The following SHBG variants were observed in gnomAD, a reference collection of about 807,000 sequenced individuals.
The protein encoded by SHBG is sex hormone binding globulin.
Under a neutral mutation model 41.9 loss-of-function variants are expected in SHBG, and 37 were observed. The ratio of observed to expected loss-of-function variants is 0.88; its 90% CI spans 0.68 to 1.16. The LOEUF (loss-of-function observed/expected upper bound fraction) is 1.16. SHBG is among the 50% of genes most tolerant of loss of function. The pLI, the probability that SHBG is intolerant of heterozygous loss-of-function variation, is 0.00. For missense variants in SHBG, 466 were observed against 499.9 expected (o/e 0.93, Z 0.65); for synonymous variants, 217 against 205.8 (o/e 1.05, Z -0.47).
chr17:7,621,994 G>A (rs1259146217), intron 1 of SHBG, among the ~76,000 whole-genome samples: 2 of 150,920 alleles, frequency 1.3e-5, no homozygotes, highest in East Asian at 3.9e-4. Flanking sequence ...GCGCCACCAT[G>A]CCCGGCTAAT....
rs559690855 is a variant in SHBG, at chr17:7,630,753, G to T, written c.277G>T (p.Asp93Tyr). Reference sequence around the variant, plus strand: ...TTTTTATGGGGATACCAACCCTAAGGATGACTGGTTTATGCTGGGACTTCG... The same window carrying T: ...TTTTTATGGGGATACCAACCCTAAGTATGACTGGTTTATGCTGGGACTTCG... ...VIFYGDTNPK[D>Y]DWFMLGLRDG... Residue 93 changes from aspartate to tyrosine, a missense_variant, in exon 3 of 8, where the codon GAT becomes TAT. By Grantham distance (160) the Asp-to-Tyr change is radical (BLOSUM62 -3). Coordinates refer to ENST00000380450, the MANE Select transcript of SHBG (RefSeq NM_001040.5). This position sits in a 1 kb window ranked among gnomAD's most constrained non-coding sequence, Gnocchi z 4.6. 2.2e-5 allele frequency: 35 copies of T among 1,614,074 alleles called. No homozygotes were observed. The Middle Eastern group carries it at 6.6e-4, about 30-fold the overall frequency.
At chr17:7,614,277 G>A (rs539416486) in intron 1 of SHBG, among the ~76,000 whole-genome samples, 5 of 152,244 alleles carry the variant, frequency 3.3e-5, no homozygotes, top group African/African-American at 9.6e-5. Context: ...TCAAAAATAA[G>A]AGGAACAGGG....
At chr17:7,626,158 C>T (rs756648952), upstream of SHBG, 37 of 273,658 alleles carry the variant, frequency 1.4e-4, no homozygotes, top group Non-Finnish European at 1.6e-4. Flanking sequence ...CGCACCACTG[C>T]ACTCCAGCGT....
At chr17:7,629,159 G>A (rs568765648), upstream of SHBG, among the ~76,000 whole-genome samples, 10 of 152,020 alleles carry the variant, frequency 6.6e-5, no homozygotes, top group African/African-American at 2.4e-4. Context: ...GATCATTTCA[G>A]GTCAGAGGTT....
rs543138281 is a variant in SHBG at position 7,631,996 on chromosome 17, G to A, written c.833G>A (p.Ser278Asn). The stretch of plus-strand genomic sequence containing the variant: ...ACACCAGAGAACCCATCTTGGCTCA[G>A]TCTCCACCTCCAAGATCAAGTAAAG... Reference protein sequence around the residue: ...LGTPENPSWLSLHLQDQKVVL... With the variant: ...LGTPENPSWLNLHLQDQKVVL... Residue 278 changes from serine to asparagine, a missense_variant, in exon 6 of 8, where the codon AGT becomes AAT. Ser to Asn is a conservative substitution (Grantham distance 46, BLOSUM62 1). Transcript: ENST00000380450. 1.5e-4 allele frequency: 244 copies of A among 1,613,886 alleles called. 2 individuals carry two copies. The South Asian group carries it at 2.5e-3, about 16-fold the overall frequency.
At position 7,633,191 on chromosome 17, in the gene SHBG, T is replaced by C. The variant is rs1474101025; in HGVS notation, c.1061-13T>C. On this transcript the variant is annotated splice_polypyrimidine_tract_variant and intron_variant, in intron 7 of 7. Transcript: ENST00000380450. ...TAATGCTCTAATGCCACCTTTGCAC[T>C]ACCTCCCTCTAGGAGAAGACTCTTC... 4 of 1,614,016 alleles carry C rather than the reference T, an allele frequency of 2.5e-6. No homozygotes were observed. The highest frequency in any genetic ancestry group is 3.4e-6 in the Non-Finnish European group (4 of 1,179,990).
upstream of SHBG, among the ~76,000 whole-genome samples, chr17:7,623,344 C>T (rs901218678): frequency 1.3e-5 from 2 of 152,146 alleles, no homozygotes; most frequent in Admixed American, 1.3e-4. Flanking sequence ...TGAGTGAGAT[C>T]GTGCCATTTC....
upstream of SHBG, chr17:7,626,391 T>C: frequency 1.3e-6 from 2 of 1,586,890 alleles, no homozygotes; most frequent in Non-Finnish European, 1.7e-6. Context: ...CTCTGAAGAG[T>C]GCTTCAGCTG....
intron 1 of SHBG, among the ~76,000 whole-genome samples, chr17:7,621,815 G>A (rs1014839492): frequency 7.3e-5 from 11 of 151,576 alleles, no homozygotes; most frequent in African/African-American, 2.4e-4. Flanking sequence ...TAAGGATAGA[G>A]CTATGGACAG....
At chr17:7,618,443 G>GT (rs376297689) in intron 1 of SHBG, among the ~76,000 whole-genome samples, 3 of 72,530 alleles carry the variant, frequency 4.1e-5, no homozygotes, top group African/African-American at 1.8e-4. Context: ...GGCTAGGTTT[G>GT]TTTTTTTTGT....
intron 1 of SHBG, among the ~76,000 whole-genome samples, chr17:7,617,956 C>T (rs1365323055): frequency 7.3e-6 from 1 of 137,000 alleles, no homozygotes; most frequent in Non-Finnish European, 1.7e-5. Context: ...CGGCGGCTCA[C>T]GCCTGTAATC....
intron 1 of SHBG, among the ~76,000 whole-genome samples, chr17:7,620,046 G>A (rs146257059): frequency 1.4e-4 from 21 of 150,428 alleles, no homozygotes; most frequent in Admixed American, 1.1e-3. Flanking sequence ...AGCTATGATC[G>A]TGCCACTGTA....
In SHBG at chr17:7,630,782, C is replaced by T. The variant is rs181487021; in HGVS notation, c.306C>T (p.Asp102=). The T allele has an allele frequency of 6.7e-5, 108 of 1,613,956 alleles. No homozygotes were observed. Among genetic ancestry groups the T allele is most frequent in the Admixed American group, 1.5e-4 (9 of 60,008 alleles). Residue 102 remains aspartate, a synonymous_variant, in exon 3 of 8, where the codon GAC becomes GAT. Transcript: ENST00000380450. This position sits in a 1 kb window ranked among gnomAD's most constrained non-coding sequence, Gnocchi z 4.6. ...KDDWFMLGLR[D]GRPEIQLHNH... ...ACTGGTTTATGCTGGGACTTCGAGA[C>T]GGCAGGCCTGAGATCCAACTGCACA... is the stretch of plus-strand genomic sequence containing the variant.
chr17:7,623,903 A>G (rs2072143512), upstream of SHBG, among the ~76,000 whole-genome samples: 1 of 152,246 alleles, frequency 6.6e-6, no homozygotes, highest in African/African-American at 2.4e-5. Context: ...TTGGGACTAC[A>G]GGCATTTGTT....
upstream of SHBG, chr17:7,626,631 C>T (rs766040675): frequency 6.2e-7 from 1 of 1,611,546 alleles, no homozygotes; most frequent in Non-Finnish European, 8.5e-7. Flanking sequence ...GAGAAGACAA[C>T]ACTAACTTTT....
chr17:7,626,442 T>C, upstream of SHBG: 1 of 1,613,898 alleles, frequency 6.2e-7, no homozygotes, highest in Non-Finnish European at 8.5e-7. Context: ...CTCCTAGGGA[T>C]GGCGTCACTT....
At chr17:7,630,123 A>G (rs1389205636), upstream of SHBG, 3 of 1,491,630 alleles carry the variant, frequency 2.0e-6, no homozygotes, top group South Asian at 2.3e-5. This position sits in a 1 kb window ranked among gnomAD's most constrained non-coding sequence, Gnocchi z 4.6. Context: ...GCCTGCCTCT[A>G]CACATTCTCC....
At chr17:7,621,094 C>CAAAAAAAAA (rs61026446) in intron 1 of SHBG, among the ~76,000 whole-genome samples, 2 of 52,296 alleles carry the variant, frequency 3.8e-5, no homozygotes, top group Non-Finnish European at 6.4e-5. Flanking sequence ...GACCCTGTCA[C>CAAAAAAAAA]AAAAAAAAAA....
chr17:7,615,965 T>C (rs975752283), intron 1 of SHBG, among the ~76,000 whole-genome samples: 3 of 151,680 alleles, frequency 2.0e-5, no homozygotes, highest in Non-Finnish European at 4.4e-5. Context: ...GCCCAAAAGT[T>C]TGACACCAGC....
Sources: gnomAD v4.1 joint callset for allele counts (sites outside exome capture counted in the v4.1 genomes callset) on GRCh38, gnomAD v4.1.1 for gene constraint, Gnocchi (gnomAD v3.1) non-coding constraint, MANE v1.5 for transcripts, NCBI Gene and HGNC (gene_info 2026-07-23, HGNC 2026-07-21) for gene names.